Variants in MED16 observed in about 807,000 individuals in gnomAD.
MED16 encodes mediator of RNA polymerase II transcription subunit 16.
Under a neutral mutation model 84.4 loss-of-function variants are expected in MED16, and 81 were observed. The observed-to-expected ratio is 0.96, with a 90% CI of 0.80 to 1.15. The LOEUF (loss-of-function observed/expected upper bound fraction) is 1.15. Ranked by LOEUF, MED16 falls within the 50% of genes most tolerant of loss-of-function variation. The pLI, the probability that MED16 is intolerant of heterozygous loss-of-function variation, is 0.00. For missense variants in MED16, 1,585 were observed against 1,245.9 expected (o/e 1.27, Z -4.10); for synonymous variants, 897 against 552.2 (o/e 1.62, Z -8.76).
chr19:877,847 C>G (rs375446206), intron 8 of MED16, among the ~76,000 whole-genome samples: 13 of 138,588 alleles, frequency 9.4e-5, no homozygotes, highest in South Asian at 2.3e-4. Context: ...CCACCAAGCC[C>G]AGCCCCACAT....
intron 6 of MED16, among the ~76,000 whole-genome samples, chr19:882,393 T>TGC (rs2036438736): frequency 2.3e-5 from 2 of 85,652 alleles, no homozygotes; most frequent in African/African-American, 1.0e-4. Context: ...GATGCACGCC[T>TGC]GCACACGCCT....
Position 868,144 on chromosome 19 carries a change from G to A in MED16, c.2591C>T (p.Thr864Ile), listed in dbSNP as rs774574571. The A allele has an allele frequency of 1.2e-6, 2 of 1,611,870 alleles. No individual in the cohort carries two copies. The highest frequency in any genetic ancestry group is 1.7e-6 in the Non-Finnish European group (2 of 1,179,624). The change falls in exon 16 of 16, where the codon ACC becomes ATC. Residue 864 changes from threonine to isoleucine, a missense_variant. Transcript: ENST00000325464. ...GPQSTHHSPR[T>I]PRSLDHLHPE... ...ATGCAGATGGTCCAGGGATCTGGGG[G>A]TCCTGGGAGAGTGGTGTGTGGACTG... is the stretch of plus-strand genomic sequence containing the variant.
chr19:875,490 G>A (rs781136216), intron 9 of MED16, 36 bp from the exon 10 acceptor site: 1 of 1,529,966 alleles, frequency 6.5e-7, no homozygotes. Context: ...CAAGGGGCCG[G>A]AGCAGAGGCG....
At position 872,149 on chromosome 19, in the gene MED16, G is replaced by T. The variant is rs760944826; in HGVS notation, c.1906-31C>A. ...CGAAAGAGGCATCGGTGTGGCTGGG[G>T]CGGCGGGGGGCAGATGGCGATGGGA... is the stretch of plus-strand genomic sequence containing the variant. On this transcript the variant is annotated intron_variant, in intron 11 of 15. Transcript: ENST00000325464. 3 of 1,560,522 alleles carry T rather than the reference G, an allele frequency of 1.9e-6. No individual in the cohort carries two copies. The East Asian group carries it at 7.1e-5, about 37-fold the overall frequency.
chr19:871,409 G>A (rs368207547), intron 12 of MED16, among the ~76,000 whole-genome samples, 156 bp from the exon 13 acceptor site: 21 of 151,826 alleles, frequency 1.4e-4, no homozygotes, highest in African/African-American at 4.4e-4. Flanking sequence ...TCACCAGGTC[G>A]GGGCCCCGGC....
intron 1 of MED16, chr19:892,296 A>C: frequency 6.5e-6 from 1 of 153,118 alleles, no homozygotes; most frequent in Non-Finnish European, 1.4e-5. Flanking sequence ...CCCACCCCTG[A>C]CCCCCTTTGC....
intron 13 of MED16, among the ~76,000 whole-genome samples, chr19:870,458 G>A (rs976276142): frequency 1.3e-5 from 2 of 152,000 alleles, no homozygotes; most frequent in African/African-American, 2.4e-5. Flanking sequence ...CTACTGGGAA[G>A]GCTGAGGTAG....
chr19:872,097 G>T lies in MED16; in HGVS notation c.1927C>A (p.His643Asn), dbSNP rs1423374941. Residue 643 changes from histidine to asparagine, a missense_variant, in exon 12 of 16, where the codon CAC becomes AAC. His to Asn is a moderately conservative substitution (Grantham distance 68). Transcript: ENST00000325464. ...PNQGSLLRPG[H>N]SFLRDGTSLG... ...GAGGTGCCGTCCCGCAGAAAGCTGTGGCCCGGCCTCAGCAGGGAACCCTGC... is the reference window on the plus strand; with the variant it reads ...GAGGTGCCGTCCCGCAGAAAGCTGTTGCCCGGCCTCAGCAGGGAACCCTGC... The T allele has an allele frequency of 6.2e-7, 1 of 1,607,088 alleles. No homozygotes were observed. The highest frequency in any genetic ancestry group is 1.1e-5 in the South Asian group (1 of 90,622).
chr19:881,368 G>A (rs147752650), intron 7 of MED16, among the ~76,000 whole-genome samples, 191 bp downstream of exon 7: 110 of 152,320 alleles, frequency 7.2e-4, no homozygotes, highest in Middle Eastern at 6.8e-3. Context: ...CACAGATCCC[G>A]AAAGATGAGA....
rs1325998315 is a variant in MED16 at position 891,440 on chromosome 19, G to GGTT, written c.-18-292_-18-291insAAC. ...TGGCTGTCTAGGGAACAGACCATGG[G>GGTT]GGCCAAGGGCACAGCCGGGAGACGC... On this transcript the variant is annotated intron_variant, in intron 1 of 15. Transcript: ENST00000325464. Among the ~76,000 whole-genome samples, 9 of 152,316 alleles carry GGTT rather than the reference G, an allele frequency of 5.9e-5. No individual in the cohort carries two copies. In the East Asian group the frequency reaches 1.7e-3, roughly 29 times the overall value.
At chr19:885,210 G>A (rs879756470) in intron 5 of MED16, among the ~76,000 whole-genome samples, 12 of 152,146 alleles carry the variant, frequency 7.9e-5, no homozygotes, top group Non-Finnish European at 1.0e-4. Context: ...AAATGTCCCC[G>A]GATGGTGCCC....
intron 15 of MED16, 23 bp downstream of exon 15, chr19:868,371 GCTCAGGGGTAGCTGAGGGGCAC>G (rs773228944): frequency 6.2e-7 from 1 of 1,602,544 alleles, no homozygotes; most frequent in Non-Finnish European, 8.5e-7. Flanking sequence ...GGGCAGCTGG[GCTCAGGGGTAGCTGAGGGGCAC>G]CCGCCACCAG....
intron 15 of MED16, 54 bp downstream of exon 15, chr19:868,362 G>A (rs749223673): frequency 6.5e-6 from 10 of 1,537,536 alleles, no homozygotes; most frequent in Middle Eastern, 3.6e-4. Flanking sequence ...GTAGCTGAGG[G>A]GCAGCTGGGC....
intron 8 of MED16, among the ~76,000 whole-genome samples, chr19:879,113 G>C (rs1238926822): frequency 3.1e-5 from 3 of 95,972 alleles, no homozygotes; most frequent in African/African-American, 4.1e-5. Flanking sequence ...TCCCCTGGTT[G>C]TCAATACCCC....
intron 1 of MED16, among the ~76,000 whole-genome samples, chr19:891,865 C>T (rs1332558695): frequency 7.8e-6 from 1 of 128,244 alleles, no homozygotes; most frequent in African/African-American, 3.1e-5. Context: ...ACGGGGAACA[C>T]CTGTGGCCGA....
intron 8 of MED16, among the ~76,000 whole-genome samples, chr19:878,544 T>C (rs1599330206): frequency 8.8e-6 from 1 of 114,116 alleles, no homozygotes; most frequent in Non-Finnish European, 1.7e-5. Flanking sequence ...CCCGTGGTTG[T>C]CAATGCCCAC....
At chr19:872,588 G>C (rs1037895799) in intron 11 of MED16, among the ~76,000 whole-genome samples, 1 of 151,530 alleles carries the variant, frequency 6.6e-6, no homozygotes, top group Non-Finnish European at 1.5e-5. Context: ...GGGCCCCAGG[G>C]CAGGATGAAG....
Position 868,491 on chromosome 19 carries a change from C to T in MED16, c.2408G>A (p.Cys803Tyr). ...EECKACTRCG[C>Y]VTMLKSPNRT... is the part of the protein sequence containing the mutation. Reference sequence around the variant, plus strand: ...GTTGGGCGACTTGAGCATGGTGACACAGCCGCACCTGCGGGGAGGCAGGCA... The same window carrying T: ...GTTGGGCGACTTGAGCATGGTGACATAGCCGCACCTGCGGGGAGGCAGGCA... Residue 803 changes from cysteine (C) to tyrosine (Y), a missense_variant, in exon 15 of 16, where the codon TGT (cysteine) becomes TAT (tyrosine). Transcript: ENST00000325464. 2 of 1,610,494 alleles carry T rather than the reference C, an allele frequency of 1.2e-6. No homozygotes were observed. Among genetic ancestry groups the T allele is most frequent in the Non-Finnish European group, 1.7e-6 (2 of 1,179,842 alleles).
intron 6 of MED16, among the ~76,000 whole-genome samples, chr19:882,449 A>G (rs974314845): frequency 1.4e-4 from 22 of 152,334 alleles, no homozygotes; most frequent in South Asian, 1.0e-3. Context: ...GCTCGAGCCC[A>G]GGAAGATGAG....
Sources: gnomAD v4.1 joint callset for allele counts (sites outside exome capture counted in the v4.1 genomes callset) on GRCh38, gnomAD v4.1.1 for gene constraint, MANE v1.5 for transcripts, NCBI Gene and HGNC (gene_info 2026-07-23, HGNC 2026-07-21) for gene names.